PCDH15: variants seen among roughly 807,000 people sequenced by gnomAD.
The protein encoded by PCDH15 is protocadherin related 15, also known as protocadherin-15.
A neutral mutation model predicts 178.5 loss-of-function variants in PCDH15; 129 were observed. That is an observed-to-expected ratio of 0.72 (90% confidence interval 0.63 to 0.84). PCDH15 has a LOEUF of 0.84. Among genes scored for constraint, PCDH15 ranks in the 40% least tolerant of loss-of-function variants. The probability of loss-of-function intolerance (pLI) is 0.00; values close to 1 mark genes in which losing one functional copy is unlikely to be tolerated. For synonymous variants in PCDH15, 800 were observed against 732.0 expected (o/e 1.09, Z -1.50); for missense variants, 2,230 against 2,099.9 (o/e 1.06, Z -1.21).
intron 21 of PCDH15, chr10:53,995,397 T>A (rs1223735719): frequency 2.0e-5 from 11 of 540,198 alleles, no homozygotes; most frequent in Admixed American, 1.9e-4. Context: ...TTATCATTGT[T>A]AGATAAATTA....
At chr10:54,212,073 A>G (rs866633240) in intron 10 of PCDH15, among the ~76,000 whole-genome samples, 1 of 152,260 alleles carries the variant, frequency 6.6e-6, no homozygotes, top group South Asian at 2.1e-4. Context: ...ACACCAGGAC[A>G]GCTGAATTCG....
chr10:54,410,849 G>C (rs1291508676), intron 3 of PCDH15, among the ~76,000 whole-genome samples: 6 of 151,860 alleles, frequency 4.0e-5, no homozygotes, highest in Admixed American at 3.3e-4. Flanking sequence ...GACCCACTGT[G>C]AGCAAAAGAG....
intron 2 of PCDH15, among the ~76,000 whole-genome samples, chr10:55,395,194 T>TGAGAGA (rs1362426463): frequency 2.5e-4 from 23 of 91,010 alleles, no homozygotes; most frequent in African/African-American, 9.3e-4. Context: ...TGTGTGTGTG[T>TGAGAGA]GTGAGAGAGA....
At chr10:53,823,077 T>C (rs1441332954) in intron 32 of PCDH15, 4 of 1,614,008 alleles carry the variant, frequency 2.5e-6, no homozygotes, top group African/African-American at 2.7e-5. Flanking sequence ...TGAAAATGGG[T>C]CTACAAAATC....
intron 2 of PCDH15, among the ~76,000 whole-genome samples, chr10:55,544,880 G>A (rs2132080461): frequency 6.6e-6 from 1 of 152,270 alleles, no homozygotes; most frequent in African/African-American, 2.4e-5. Context: ...TCACTTTTAT[G>A]CAAGGAATGA....
At chr10:54,579,841 A>G (rs1193991353) in intron 2 of PCDH15, among the ~76,000 whole-genome samples, 1 of 152,094 alleles carries the variant, frequency 6.6e-6, no homozygotes, top group Non-Finnish European at 1.5e-5. Context: ...CCAAAACCAC[A>G]CAATGACATG....
intron 2 of PCDH15, among the ~76,000 whole-genome samples, chr10:55,098,024 C>A (rs548853281): frequency 7.9e-4 from 120 of 152,120 alleles, no homozygotes; most frequent in Middle Eastern, 3.4e-3. Context: ...CCTAGTCATG[C>A]ATGACAAATA....
chr10:54,034,254 C>T (rs111916669), intron 18 of PCDH15, among the ~76,000 whole-genome samples: 4 of 151,838 alleles, frequency 2.6e-5, no homozygotes, highest in East Asian at 1.9e-4. Flanking sequence ...TATAAGCTCA[C>T]GTTTTTCCCA....
intron 2 of PCDH15, among the ~76,000 whole-genome samples, chr10:55,551,485 T>C (rs1188880050): frequency 6.6e-6 from 1 of 151,866 alleles, no homozygotes; most frequent in African/African-American, 2.4e-5. Flanking sequence ...AATGTATTTA[T>C]TCTATAAGTA....
intron 2 of PCDH15, among the ~76,000 whole-genome samples, chr10:54,939,563 T>C (rs571393364): frequency 6.6e-6 from 1 of 150,902 alleles, no homozygotes; most frequent in East Asian, 2.0e-4. Flanking sequence ...GTTCGTAGTA[T>C]TCATTTAAAA....
chr10:55,266,545 A>G (rs1221906151), intron 1 of PCDH15, among the ~76,000 whole-genome samples: 1 of 152,084 alleles, frequency 6.6e-6, no homozygotes, highest in East Asian at 1.9e-4. Context: ...TAAATGTTGC[A>G]TTTCCTAAGA....
intron 21 of PCDH15, among the ~76,000 whole-genome samples, chr10:53,977,752 A>G (rs2090303327): frequency 6.6e-6 from 1 of 152,206 alleles, no homozygotes. Flanking sequence ...TGTGAAATCA[A>G]AAGCATTGTT....
chr10:54,433,057 A>G (rs1957137534), intron 3 of PCDH15, among the ~76,000 whole-genome samples: 1 of 152,182 alleles, frequency 6.6e-6, no homozygotes, highest in Admixed American at 6.5e-5. Flanking sequence ...TTTATCCAAA[A>G]AACAGGCACT....
intron 32 of PCDH15, among the ~76,000 whole-genome samples, chr10:53,824,708 T>A (rs79226730): frequency 0.01 from 1,538 of 152,258 alleles, 28 homozygotes; most frequent in African/African-American, 0.034. Flanking sequence ...TGATATTATA[T>A]ACTGGTTGTT....
chr10:55,254,438 C>A (rs1841932904), intron 1 of PCDH15, among the ~76,000 whole-genome samples: 1 of 152,090 alleles, frequency 6.6e-6, no homozygotes, highest in Non-Finnish European at 1.5e-5. Flanking sequence ...AAAGGCTCTA[C>A]CTGGAAACAT....
At chr10:54,456,205 C>T (rs1465399729) in intron 3 of PCDH15, among the ~76,000 whole-genome samples, 1 of 152,066 alleles carries the variant, frequency 6.6e-6, no homozygotes, top group African/African-American at 2.4e-5. Context: ...CACTGTGCAC[C>T]TGGAAAGGCC....
In PCDH15 at chr10:55,508,969, CA is replaced by C. The variant is rs569542660; in HGVS notation, c.-156+118655del. Among the ~76,000 whole-genome samples, 278 of 150,262 alleles carry C rather than the reference CA, an allele frequency of 1.9e-3. 2 individuals are homozygous for C. The highest frequency in any genetic ancestry group is 6.1e-3 in the African/African-American group (252 of 41,070). The stretch of plus-strand genomic sequence containing the variant: ...CAAAGCAAAGCAAAACAAAACAAAA[CA>C]AAAAAAAATATTTTTATTTCATAAC... On this transcript the variant is annotated intron_variant, in intron 2 of 5. Transcript: ENST00000613346.
intron 8 of PCDH15, among the ~76,000 whole-genome samples, chr10:54,299,220 A>C (rs2059994315): frequency 6.6e-6 from 1 of 152,134 alleles, no homozygotes; most frequent in Admixed American, 6.5e-5. Flanking sequence ...AGAGAGGAAG[A>C]GACAGAGACA....
At chr10:55,108,619 T>C (rs1297299730) in intron 2 of PCDH15, among the ~76,000 whole-genome samples, 1 of 152,044 alleles carries the variant, frequency 6.6e-6, no homozygotes, top group Admixed American at 6.6e-5. Context: ...TTTTATGATA[T>C]CAAAATATAA....
Sources: allele counts gnomAD v4.1 joint callset (sites outside exome capture counted in the v4.1 genomes callset), GRCh38; gene constraint gnomAD v4.1.1; transcripts MANE v1.5; gene names NCBI Gene and HGNC (gene_info 2026-07-23, HGNC 2026-07-21).